Variants in CADM2 observed in about 807,000 individuals in gnomAD.
The protein encoded by CADM2 is immunoglobulin superfamily member 4D.
A neutral mutation model predicts 49.8 loss-of-function variants in CADM2; 12 were observed. That is an observed-to-expected ratio of 0.24 (90% CI 0.15 to 0.39). CADM2 has a LOEUF of 0.39. CADM2 is among the 10% of genes least tolerant of loss of function. The pLI is 1.00. For synonymous variants in CADM2, 214 were observed against 175.4 expected (o/e 1.22, Z -1.74); for missense variants, 378 against 492.3 (o/e 0.77, Z 2.20).
At chr3:85,457,482 GAA>G (rs2038048437) in intron 1 of CADM2, among the ~76,000 whole-genome samples, 2 of 151,858 alleles carry the variant, frequency 1.3e-5, no homozygotes, top group African/African-American at 4.8e-5. Context: ...GTGTTCATAT[GAA>G]AAAGAGTTAA....
intron 1 of CADM2, among the ~76,000 whole-genome samples, chr3:85,301,522 A>G (rs893231570): frequency 5.9e-5 from 9 of 152,082 alleles, no homozygotes; most frequent in Admixed American, 5.9e-4. Flanking sequence ...AAAAGTGTGC[A>G]AGAAAAAAAT....
intron 1 of CADM2, among the ~76,000 whole-genome samples, chr3:85,336,913 TAATAGTTA>T (rs1449588121): frequency 1.4e-5 from 2 of 138,080 alleles, no homozygotes; most frequent in Admixed American, 1.5e-4. Context: ...TTAACAAAGT[TAATAGTTA>T]AATAGTTAAA....
intron 2 of CADM2, among the ~76,000 whole-genome samples, chr3:85,767,332 G>T (rs1277657115): frequency 2.6e-5 from 4 of 152,172 alleles, no homozygotes; most frequent in African/African-American, 9.7e-5. Context: ...TCGAAGGCAT[G>T]TAATGAAATG....
intron 1 of CADM2, among the ~76,000 whole-genome samples, chr3:84,973,141 G>A (rs554617427): frequency 1.3e-5 from 2 of 152,146 alleles, no homozygotes; most frequent in Non-Finnish European, 2.9e-5. Flanking sequence ...TCGAACTCCT[G>A]GCCTCAGGTG....
At chr3:85,441,868 G>A (rs1295650051) in intron 1 of CADM2, among the ~76,000 whole-genome samples, 1 of 152,122 alleles carries the variant, frequency 6.6e-6, no homozygotes, top group South Asian at 2.1e-4. Flanking sequence ...ATTGAGAGGA[G>A]TGACTAGAAG....
intron 1 of CADM2, among the ~76,000 whole-genome samples, chr3:85,466,163 C>G (rs565495385): frequency 2.4e-4 from 36 of 152,236 alleles, no homozygotes; most frequent in South Asian, 1.7e-3. Context: ...GTAGCAGAAG[C>G]AGGTAGCAGT....
chr3:84,984,048 T>TATATATAC (rs1224516135), intron 1 of CADM2, among the ~76,000 whole-genome samples: 78 of 143,306 alleles, frequency 5.4e-4, no homozygotes, highest in African/African-American at 1.9e-3. Context: ...TATATATATA[T>TATATATAC]ACACACACAC....
At position 86,069,041 on chromosome 3, in the gene CADM2, C is replaced by T. The variant is rs1468448160; in HGVS notation, c.*2258C>T. On this transcript the variant is annotated 3_prime_UTR_variant, in exon 10 of 10. Coordinates refer to ENST00000383699, the MANE Select transcript of CADM2 (RefSeq NM_001167675.2). ...GTACAAAATGGAAAGGTTCTTATTACAGAAGTAAGTTGTACAAACTGCATC... is the reference window on the plus strand; with the variant it reads ...GTACAAAATGGAAAGGTTCTTATTATAGAAGTAAGTTGTACAAACTGCATC... 2 of 151,920 alleles carry T rather than the reference C, an allele frequency of 1.3e-5. No homozygotes were observed. Among genetic ancestry groups the T allele is most frequent in the Non-Finnish European group, 2.9e-5 (2 of 67,842 alleles). The allele number at this position is 151,920 out of a possible 1,614,324, so 9.4% of individuals were successfully genotyped here. A position where few individuals can be genotyped will look rare whatever the true frequency, so the allele number is the denominator to read the frequency against.
intron 1 of CADM2, among the ~76,000 whole-genome samples, chr3:85,453,107 ACCTGAAATAACTT>A (rs2037827031): frequency 6.6e-6 from 1 of 152,228 alleles, no homozygotes; most frequent in Admixed American, 6.5e-5. Flanking sequence ...TTATTTGTTT[ACCTGAAATAACTT>A]TATTAGCATA....
At position 85,791,762 on chromosome 3, in the gene CADM2, C is replaced by T. The variant is rs543019905; in HGVS notation, c.89-10285C>T. On this transcript the variant is annotated intron_variant, in intron 2 of 9. Coordinates refer to ENST00000383699, the MANE Select transcript of CADM2 (RefSeq NM_001167675.2). ...TTTTTGAGACAGACTCTCACTTTGT[C>T]ACCCAGGCTGGAGTACAGTGGCACG... Among the ~76,000 whole-genome samples the T allele has an allele frequency of 3.5e-3, 538 of 152,134 alleles. 5 individuals carry two copies. Among genetic ancestry groups the T allele is most frequent in the South Asian group, 6.9e-3 (33 of 4,814 alleles).
chr3:85,540,607 A>G (rs2107030687), intron 1 of CADM2, among the ~76,000 whole-genome samples: 1 of 152,254 alleles, frequency 6.6e-6, no homozygotes, highest in African/African-American at 2.4e-5. Flanking sequence ...CTCTAGTACA[A>G]ACTCTCACAC....
At chr3:85,563,396 A>C (rs1220455760) in intron 1 of CADM2, among the ~76,000 whole-genome samples, 3 of 106,656 alleles carry the variant, frequency 2.8e-5, no homozygotes, top group Admixed American at 1.1e-4. Context: ...AAAACAGGGA[A>C]TTTTTGTGTG....
intron 3 of CADM2, among the ~76,000 whole-genome samples, chr3:85,849,254 AG>A (rs1483085299): frequency 6.6e-6 from 1 of 152,234 alleles, no homozygotes; most frequent in Non-Finnish European, 1.5e-5. Flanking sequence ...TATTATGAAA[AG>A]TCAGTAAGAT....
intron 2 of CADM2, among the ~76,000 whole-genome samples, chr3:85,759,164 T>C (rs562084633): frequency 2.0e-4 from 31 of 152,188 alleles, no homozygotes; most frequent in South Asian, 6.2e-4. Flanking sequence ...TCATCTTCCT[T>C]TTTATCATGC....
intron 1 of CADM2, among the ~76,000 whole-genome samples, chr3:85,544,198 T>A (rs1399083217): frequency 6.6e-6 from 1 of 152,012 alleles, no homozygotes; most frequent in East Asian, 1.9e-4. Context: ...GAGAGAAAAA[T>A]TCACAGTTGG....
chr3:85,821,173 A>C (rs1210605084), intron 3 of CADM2, among the ~76,000 whole-genome samples: 2 of 152,158 alleles, frequency 1.3e-5, no homozygotes, highest in African/African-American at 4.8e-5. Flanking sequence ...TTTCTCCTTC[A>C]AGCATGCTTT....
Position 85,419,026 on chromosome 3 carries a change from C to T in CADM2, c.62-307496C>T, listed in dbSNP as rs2036039929. ...AGTTCAAAGAGAGCCCAAATAAGTA[C>T]ACTCAGCAATTTTGTGGCCTGCTGG... On this transcript the variant is annotated intron_variant, in intron 1 of 9. Coordinates refer to ENST00000383699, the MANE Select transcript of CADM2 (RefSeq NM_001167675.2). 3.3e-5 allele frequency among the ~76,000 whole-genome samples: 5 copies of T among 152,186 alleles called. 1 individual carries two copies. The South Asian group carries it at 1.0e-3, about 32-fold the overall frequency.
chr3:85,327,585 C>T (rs1394292229), intron 1 of CADM2, among the ~76,000 whole-genome samples: 1 of 144,838 alleles, frequency 6.9e-6, no homozygotes, highest in Non-Finnish European at 1.5e-5. Flanking sequence ...CACACACACA[C>T]ACACCACACA....
At chr3:85,261,425 C>T (rs1367562822) in intron 1 of CADM2, among the ~76,000 whole-genome samples, 1 of 152,120 alleles carries the variant, frequency 6.6e-6, no homozygotes, top group African/African-American at 2.4e-5. Context: ...TGAGCCACAG[C>T]GCCTGGCCTC....
Sources: gnomAD v4.1 joint callset for allele counts (sites outside exome capture counted in the v4.1 genomes callset) on GRCh38, gnomAD v4.1.1 for gene constraint, MANE v1.5 for transcripts, NCBI Gene and HGNC (gene_info 2026-07-23, HGNC 2026-07-21) for gene names.